Variants in AOPEP observed in about 807,000 individuals in gnomAD.
The protein encoded by AOPEP is aminopeptidase O.
Under a neutral mutation model 98.1 loss-of-function variants are expected in AOPEP, and 77 were observed. The ratio of observed to expected loss-of-function variants is 0.78; its 90% CI spans 0.65 to 0.95. The LOEUF is 0.95. Among genes scored for constraint, AOPEP ranks in the 40% least tolerant of loss-of-function variants. The pLI is 0.00. For missense variants in AOPEP, 1,024 were observed against 1,024.7 expected (o/e 1.00, Z 0.01); for synonymous variants, 346 against 365.3 (o/e 0.95, Z 0.60).
At chr9:95,105,022 TAA>T in the AOPEP span, among the ~76,000 whole-genome samples, 5 of 152,226 alleles carry the variant, frequency 3.3e-5, no homozygotes, top group African/African-American at 9.6e-5. Flanking sequence ...GTGCATTTTA[TAA>T]GAGTACACAA....
chr9:94,749,551 C>T (rs540023222), intron 1 of AOPEP, among the ~76,000 whole-genome samples: 1 of 152,242 alleles, frequency 6.6e-6, no homozygotes, highest in South Asian at 2.1e-4. Flanking sequence ...CCCAAAAGTA[C>T]CTGTTCATTC....
chr9:94,851,434 G>T (rs1186148135), intron 5 of AOPEP, among the ~76,000 whole-genome samples: 1 of 152,074 alleles, frequency 6.6e-6, no homozygotes, highest in Non-Finnish European at 1.5e-5. Context: ...GTATGCATAG[G>T]TAATTAAAAT....
chr9:95,144,629 G>A, the AOPEP span, among the ~76,000 whole-genome samples: 3 of 152,296 alleles, frequency 2.0e-5, no homozygotes, highest in African/African-American at 4.8e-5. Flanking sequence ...GGCTAGACAC[G>A]GGGGTGGCTG....
intron 9 of AOPEP, among the ~76,000 whole-genome samples, chr9:94,965,226 A>G (rs1235701258): frequency 6.6e-6 from 1 of 152,212 alleles, no homozygotes; most frequent in Admixed American, 6.5e-5. Flanking sequence ...GTGAGGCATC[A>G]GTCAGTTTGG....
chr9:95,104,329 C>T, the AOPEP span, among the ~76,000 whole-genome samples: 4 of 152,224 alleles, frequency 2.6e-5, no homozygotes, highest in Non-Finnish European at 5.9e-5. Context: ...GCATCCGTCC[C>T]TGACAGAGTC....
At chr9:94,896,230 C>G (rs1201639686) in intron 5 of AOPEP, among the ~76,000 whole-genome samples, 1 of 152,076 alleles carries the variant, frequency 6.6e-6, no homozygotes, top group Non-Finnish European at 1.5e-5. Context: ...TACAAACAAA[C>G]AGTTATAATG....
At chr9:95,013,504 G>T (rs1280831962) in intron 13 of AOPEP, among the ~76,000 whole-genome samples, 2 of 150,644 alleles carry the variant, frequency 1.3e-5, no homozygotes, top group Non-Finnish European at 2.9e-5. Context: ...CTTGATGGTT[G>T]GACTGTGTCT....
At chr9:95,039,894 C>T in intron 13 of AOPEP, among the ~76,000 whole-genome samples, 1 of 152,166 alleles carries the variant, frequency 6.6e-6, no homozygotes, top group South Asian at 2.1e-4. Flanking sequence ...AAACAGGTTT[C>T]AGGATGTTAA....
At chr9:95,033,275 C>T (rs953132872) in intron 13 of AOPEP, among the ~76,000 whole-genome samples, 5 of 152,164 alleles carry the variant, frequency 3.3e-5, no homozygotes. Context: ...CTAACGTCTC[C>T]TCCACCTGTT....
chr9:95,140,123 T>C, the AOPEP span, among the ~76,000 whole-genome samples: 1 of 152,078 alleles, frequency 6.6e-6, no homozygotes, highest in African/African-American at 2.4e-5. Context: ...ATCATAGTTA[T>C]GTTTTAGGAA....
chr9:94,972,560 C>A lies in AOPEP; in HGVS notation c.1916+4759C>A, dbSNP rs2059598104. On this transcript the variant is annotated intron_variant, in intron 10 of 16. Coordinates refer to ENST00000375315, the MANE Select transcript of AOPEP (RefSeq NM_001193329.3). This position sits in a 1 kb window ranked among gnomAD's most constrained non-coding sequence, Gnocchi z 4.2. ...TTTTAATCTAATACTGTTCCTCCCCCACGGAGCTACACAGTACTTGTTTTA... is the reference window on the plus strand; with the variant it reads ...TTTTAATCTAATACTGTTCCTCCCCAACGGAGCTACACAGTACTTGTTTTA... 6.6e-6 allele frequency among the ~76,000 whole-genome samples: 1 copy of A among 152,180 alleles called. No individual in the cohort carries two copies. Among genetic ancestry groups the A allele is most frequent in the Admixed American group, 6.5e-5 (1 of 15,284 alleles).
At chr9:94,919,073 C>A (rs960920032) in intron 5 of AOPEP, among the ~76,000 whole-genome samples, 18 of 152,016 alleles carry the variant, frequency 1.2e-4, no homozygotes, top group African/African-American at 4.4e-4. Flanking sequence ...TGCCAGCACA[C>A]CTGGCTAATT....
At chr9:95,001,991 A>G (rs2061590528) in intron 11 of AOPEP, among the ~76,000 whole-genome samples, 1 of 149,308 alleles carries the variant, frequency 6.7e-6, no homozygotes, top group Non-Finnish European at 1.5e-5. Context: ...GTTGCCCAGG[A>G]TGGTGTTGAA....
intron 13 of AOPEP, among the ~76,000 whole-genome samples, chr9:95,012,986 T>TGGG (rs1337930411): frequency 1.6e-4 from 15 of 91,804 alleles, no homozygotes; most frequent in African/African-American, 2.9e-4. Flanking sequence ...TGTTTTTTTT[T>TGGG]TGGGGGGGGG....
chr9:95,033,482 G>C (rs573686649), intron 13 of AOPEP, among the ~76,000 whole-genome samples: 1 of 152,238 alleles, frequency 6.6e-6, no homozygotes, highest in African/African-American at 2.4e-5. Flanking sequence ...ATGTGGTTCT[G>C]TCTCCATCAG....
intron 1 of AOPEP, among the ~76,000 whole-genome samples, chr9:94,743,282 T>C (rs961179736): frequency 2.6e-5 from 4 of 151,216 alleles, no homozygotes; most frequent in African/African-American, 9.7e-5. Flanking sequence ...GAGATGTGGA[T>C]GATACTGTGT....
At chr9:94,762,427 A>G (rs991063708) in intron 2 of AOPEP, among the ~76,000 whole-genome samples, 1 of 151,968 alleles carries the variant, frequency 6.6e-6, no homozygotes, top group Non-Finnish European at 1.5e-5. Context: ...AGCCTGGGCG[A>G]CAGAGTGAGA....
At chr9:94,742,903 A>G (rs1042072664) in intron 1 of AOPEP, among the ~76,000 whole-genome samples, 1 of 152,154 alleles carries the variant, frequency 6.6e-6, no homozygotes, top group African/African-American at 2.4e-5. Context: ...TTGGAGAAGC[A>G]TTGCTTTGGA....
intron 10 of AOPEP, among the ~76,000 whole-genome samples, chr9:94,977,543 T>C (rs2059925999): frequency 6.6e-6 from 1 of 152,142 alleles, no homozygotes; most frequent in African/African-American, 2.4e-5. Flanking sequence ...AACAATGACC[T>C]CATAGAAGGT....
Sources: gnomAD v4.1 joint callset for allele counts (sites outside exome capture counted in the v4.1 genomes callset) on GRCh38, gnomAD v4.1.1 for gene constraint, Gnocchi (gnomAD v3.1) non-coding constraint, MANE v1.5 for transcripts, NCBI Gene and HGNC (gene_info 2026-07-23, HGNC 2026-07-21) for gene names.